Variants in PLCH2 observed in about 807,000 individuals in gnomAD.
The protein encoded by PLCH2 is 1-phosphatidylinositol 4,5-bisphosphate phosphodiesterase eta-2.
PLCH2 carries 98 observed loss-of-function variants against 134.7 expected under a neutral mutation model. The observed-to-expected ratio is 0.73, with a 90% CI of 0.62 to 0.86. PLCH2 has a LOEUF of 0.86. PLCH2 is among the 40% of genes least tolerant of loss of function. The pLI is 0.00. For missense variants in PLCH2, 1,994 were observed against 1,986.6 expected (o/e 1.00, Z -0.07); for synonymous variants, 974 against 827.5 (o/e 1.18, Z -3.04).
At chr1:2,434,035 G>A (rs979463551) in intron 2 of PLCH2, among the ~76,000 whole-genome samples, 7 of 152,268 alleles carry the variant, frequency 4.6e-5, no homozygotes, top group Non-Finnish European at 7.3e-5. Context: ...CATCGCAGGA[G>A]GTTCCTTCAC....
the PLCH2 span, among the ~76,000 whole-genome samples, chr1:2,418,560 G>A: frequency 3.3e-5 from 5 of 152,210 alleles, no homozygotes; most frequent in African/African-American, 7.2e-5. Flanking sequence ...CCTCTGACCC[G>A]CCTCCTTCAG....
intron 10 of PLCH2, among the ~76,000 whole-genome samples, chr1:2,490,099 C>T (rs1422519362): frequency 7.0e-6 from 1 of 143,212 alleles, no homozygotes; most frequent in African/African-American, 2.5e-5. Context: ...TTTGAGCTGA[C>T]TCTTGGGGTA....
At chr1:2,472,354 C>T (rs954936401), upstream of PLCH2, among the ~76,000 whole-genome samples, 6 of 152,236 alleles carry the variant, frequency 3.9e-5, no homozygotes, top group East Asian at 3.8e-4. Context: ...TCCTCCCTCC[C>T]GTCCACCCAA....
chr1:2,436,204 C>T (rs1294583811), intron 2 of PLCH2, among the ~76,000 whole-genome samples: 2 of 125,398 alleles, frequency 1.6e-5, no homozygotes, highest in Non-Finnish European at 3.4e-5. Flanking sequence ...CTGTTTCCTC[C>T]TCCCTCCTTC....
chr1:2,487,444 G>C, intron 7 of PLCH2, 68 bp downstream of exon 7: 1 of 1,489,318 alleles, frequency 6.7e-7, no homozygotes, highest in Non-Finnish European at 9.2e-7. Flanking sequence ...TGCACCTGAG[G>C]AGCCCCCGGG....
At position 2,436,280 on chromosome 1, in the gene PLCH2, C is replaced by T. The variant is rs147853100; in HGVS notation, c.115+5651C>T. Among the ~76,000 whole-genome samples the T allele has an allele frequency of 8.5e-3, 640 of 75,632 alleles. 12 individuals are homozygous for T. The highest frequency in any genetic ancestry group is 0.01 in the Non-Finnish European group (358 of 34,614). The allele number at this position is 75,632 out of a possible 152,430, so 49.6% of individuals were successfully genotyped here. On this transcript the variant is annotated intron_variant, in intron 2 of 3. Coordinates refer to the PLCH2 transcript ENST00000609981. ...CCTCCCTCCTCCTCCTTTCCTCCTT[C>T]CTCCCTCCTCCTTTCCTCCTTCTTC...
chr1:2,486,911 CG>C lies in PLCH2; in HGVS notation c.824del (p.Gly275ValfsTer2). 1.2e-6 allele frequency: 2 copies of C among 1,602,968 alleles called. No homozygotes were observed. The highest frequency in any genetic ancestry group is 1.7e-6 in the Non-Finnish European group (2 of 1,175,120). ...QRFLQVEQKM[A>X]GVTLESCQDI... ...CATGCCCCTGCTCTGGCCTAGATGG[CG>C]GGTGTGACCCTCGAGAGCTGCCAGG... On this transcript the variant is annotated frameshift_variant, in exon 6 of 22. Transcript: ENST00000378486. LOFTEE classifies it high-confidence loss of function.
At chr1:2,495,828 C>G (rs555340167) in intron 13 of PLCH2, among the ~76,000 whole-genome samples, 17 of 152,060 alleles carry the variant, frequency 1.1e-4, no homozygotes, top group African/African-American at 4.1e-4. Flanking sequence ...GCCGGGCTGT[C>G]GGCTCTCGGT....
Position 2,487,334 on chromosome 1 carries a change from A to T in PLCH2, c.1072A>T (p.Met358Leu). 1 of 1,613,742 alleles carries T rather than the reference A, an allele frequency of 6.2e-7. No homozygotes were observed. Among genetic ancestry groups the T allele is most frequent in the Non-Finnish European group, 8.5e-7 (1 of 1,179,928 alleles). The part of the protein sequence containing the change: ...DQLMSQSRVD[M>L]YAWVLQAGCR... ...GCTCATGTCCCAGTCACGGGTGGAC[A>T]TGTATGCTTGGGTCCTGCAGGCTGG... is the stretch of plus-strand genomic sequence containing the variant. Residue 358 changes from methionine (M) to leucine (L), a missense_variant, in exon 7 of 22, where the codon ATG (methionine) becomes TTG (leucine). Met to Leu is a conservative substitution (Grantham distance 15). Coordinates refer to ENST00000378486, the MANE Select transcript of PLCH2 (RefSeq NM_014638.4).
intron 2 of PLCH2, among the ~76,000 whole-genome samples, chr1:2,434,850 G>T (rs893875156): frequency 6.8e-4 from 104 of 152,350 alleles, no homozygotes; most frequent in African/African-American, 2.4e-3. Context: ...CCCCCGGGCA[G>T]AATCAGCTGT....
the PLCH2 span, among the ~76,000 whole-genome samples, chr1:2,420,124 C>T: frequency 3.9e-5 from 6 of 151,952 alleles, no homozygotes; most frequent in Non-Finnish European, 8.8e-5. Context: ...GTCAGGAGCT[C>T]ATCAGTGCTG....
Position 2,499,225 on chromosome 1 carries a change from T to C in PLCH2, c.2576T>C (p.Met859Thr), listed in dbSNP as rs959293581. The C allele has an allele frequency of 1.2e-6, 2 of 1,612,726 alleles. No homozygotes were observed. Among genetic ancestry groups the C allele is most frequent in the Admixed American group, 1.7e-5 (1 of 59,992 alleles). The part of the protein sequence containing the change: ...GQRTLAFSSM[M>T]PGYRHVYLEG... ...AGGACGCTGGCCTTCAGCAGCATGA[T>C]GCCAGGTGGGCAGGAGTGGACACGG... is the stretch of plus-strand genomic sequence containing the variant. Residue 859 changes from methionine to threonine, a missense_variant, in exon 19 of 22, where the codon ATG becomes ACG. Met to Thr is a moderately conservative substitution (Grantham distance 81). This residue lies in a region of PLCH2 where 1,094 missense variants were observed against 1,234.3 expected (regional missense o/e 0.89). Coordinates refer to ENST00000378486, the MANE Select transcript of PLCH2 (RefSeq NM_014638.4).
Position 2,503,363 on chromosome 1 carries a change from T to C in PLCH2, c.2960-559T>C, listed in dbSNP as rs1042336218. 12 of 581,566 alleles carry C rather than the reference T, an allele frequency of 2.1e-5. No homozygotes were observed. In the South Asian group the frequency reaches 2.5e-4, roughly 12 times the overall value. The allele number at this position is 581,566 out of a possible 1,614,324, so 36.0% of individuals were successfully genotyped here. A position where few individuals can be genotyped will look rare whatever the true frequency, so the allele number is the denominator to read the frequency against. On this transcript the variant is annotated intron_variant, in intron 21 of 21. Coordinates refer to ENST00000378486, the MANE Select transcript of PLCH2 (RefSeq NM_014638.4). Reference sequence around the variant, plus strand: ...GGCTCCAGGGGTCCCTACTGGGAAGTCTGATGTGGGCAGGTAGTGCAGCTG... The same window carrying C: ...GGCTCCAGGGGTCCCTACTGGGAAGCCTGATGTGGGCAGGTAGTGCAGCTG...
chr1:2,493,150 G>C (rs1048079879), intron 11 of PLCH2: 2 of 152,304 alleles, frequency 1.3e-5, no homozygotes, highest in African/African-American at 4.8e-5. Flanking sequence ...GGGTCTTGCT[G>C]TCTCCTCTGT....
chr1:2,451,819 G>T (rs1342387432), intron 2 of PLCH2, among the ~76,000 whole-genome samples: 1 of 151,982 alleles, frequency 6.6e-6, no homozygotes. Flanking sequence ...ACTGCGTCTG[G>T]GCTGCCGGGG....
In PLCH2 at chr1:2,449,267, G is replaced by A. The variant is rs990238391; in HGVS notation, c.115+18638G>A. On this transcript the variant is annotated intron_variant, in intron 2 of 3. Coordinates refer to the PLCH2 transcript ENST00000609981. The stretch of plus-strand genomic sequence containing the variant: ...GCACTTTGGGAGGCTGAGGCGGGTG[G>A]ATCACCTGAGATCAGGAGTTCGAGA... Among the ~76,000 whole-genome samples the A allele has an allele frequency of 3.3e-5, 5 of 152,226 alleles. No individual in the cohort carries two copies. In the South Asian group the frequency reaches 8.3e-4, roughly 25 times the overall value.
At chr1:2,426,300 A>G (rs1458493680) in intron 1 of PLCH2, among the ~76,000 whole-genome samples, 1 of 152,230 alleles carries the variant, frequency 6.6e-6, no homozygotes, top group African/African-American at 2.4e-5. Context: ...TCTGGGGAGC[A>G]GTGTCTATGG....
chr1:2,479,752 A>G lies in PLCH2; in HGVS notation c.290A>G (p.Gln97Arg). 1 of 1,547,026 alleles carries G rather than the reference A, an allele frequency of 6.5e-7. No individual in the cohort carries two copies. Among genetic ancestry groups the G allele is most frequent in the South Asian group, 1.2e-5 (1 of 84,310 alleles). Reference protein sequence around the residue: ...EKAKISIDSIQEVSEGRQSEV... With the variant: ...EKAKISIDSIREVSEGRQSEV... Reference sequence around the variant, plus strand: ...CCCGCAGTCTCCATCGACTCCATCCAGGAGGTGAGTGAGGGGCGGCAGTCG... The same window carrying G: ...CCCGCAGTCTCCATCGACTCCATCCGGGAGGTGAGTGAGGGGCGGCAGTCG... Residue 97 changes from glutamine to arginine, a missense_variant, in exon 3 of 22, where the codon CAG becomes CGG. Coordinates refer to ENST00000378486, the MANE Select transcript of PLCH2 (RefSeq NM_014638.4).
Position 2,504,134 on chromosome 1 carries a change from C to A in PLCH2, c.3172C>A (p.Pro1058Thr). 6.6e-7 allele frequency: 1 copy of A among 1,522,134 alleles called. No individual in the cohort carries two copies. The highest frequency in any genetic ancestry group is 1.2e-5 in the South Asian group (1 of 81,216). The allele number at this position is 1,522,134 out of a possible 1,614,324, so 94.3% of individuals were successfully genotyped here. ...GGAGCCCCGAGACAGCAGGCCTCGG[C>A]CGTGCAACGGCGAGGGCGCCGGCGG... The part of the protein sequence containing the change: ...TEEPRDSRPR[P>T]CNGEGAGGAY... The change falls in exon 22 of 22, where the codon CCG becomes ACG. Residue 1058 changes from proline (P) to threonine (T), a missense_variant. Physicochemically the swap from Pro to Thr is conservative, Grantham distance 38. Around this residue, in one of 2 missense-constraint regions of PLCH2, gnomAD observed 900 missense variants for 752.3 expected, o/e 1.20. Transcript: ENST00000378486.
Sources: gnomAD v4.1 joint callset for allele counts (sites outside exome capture counted in the v4.1 genomes callset) on GRCh38, gnomAD v4.1.1 for gene constraint, gnomAD v4.1.1 regional missense constraint, MANE v1.5 for transcripts, NCBI Gene and HGNC (gene_info 2026-07-23, HGNC 2026-07-21) for gene names.